The following CSMD3 variants were observed in gnomAD, a reference collection of about 807,000 sequenced individuals.
The protein encoded by CSMD3 is CUB and Sushi multiple domains 3.
In CSMD3, 177 loss-of-function variants were observed where a neutral mutation model predicts 435.2. The ratio of observed to expected loss-of-function variants is 0.41; its 90% CI spans 0.36 to 0.46. The LOEUF is 0.46. Ranked by LOEUF, CSMD3 falls within the 20% of genes least tolerant of loss-of-function variation. The pLI, the probability that CSMD3 is intolerant of heterozygous loss-of-function variation, is 0.34. For synonymous variants in CSMD3, 1,656 were observed against 1,520.5 expected, an observed-to-expected ratio of 1.09 and a Z score of -2.07; for missense variants, 4,265 against 4,504.6, an observed-to-expected ratio of 0.95 and a Z score of 1.52.
At chr8:113,312,074 T>C (rs1185666850) in intron 2 of CSMD3, 1 of 152,118 alleles carries the variant, frequency 6.6e-6, no homozygotes, top group East Asian at 1.9e-4. Context: ...AAATAGATTT[T>C]TATTTATATA....
At chr8:113,240,485 G>A (rs2093202131) in intron 3 of CSMD3, among the ~76,000 whole-genome samples, 1 of 152,060 alleles carries the variant, frequency 6.6e-6, no homozygotes, top group Non-Finnish European at 1.5e-5. Context: ...AAGTATGTAA[G>A]TATTCCTTTT....
intron 35 of CSMD3, among the ~76,000 whole-genome samples, chr8:112,403,686 T>A (rs749257240): frequency 3.3e-4 from 50 of 151,716 alleles, no homozygotes; most frequent in Middle Eastern, 6.8e-3. Context: ...CGAGACCTAG[T>A]CACCTTCCAA....
At chr8:113,156,163 ATTACT>A (rs2091924544) in intron 4 of CSMD3, among the ~76,000 whole-genome samples, 1 of 152,122 alleles carries the variant, frequency 6.6e-6, no homozygotes, top group Non-Finnish European at 1.5e-5. Flanking sequence ...GGAAAGGCAC[ATTACT>A]TTATTAACCT....
At chr8:113,229,429 T>C (rs1379018847) in intron 3 of CSMD3, among the ~76,000 whole-genome samples, 1 of 151,324 alleles carries the variant, frequency 6.6e-6, no homozygotes, top group Non-Finnish European at 1.5e-5. Context: ...CATTAATGAG[T>C]AGAGTCCAAT....
At chr8:112,496,929 C>A (rs558992307) in intron 30 of CSMD3, among the ~76,000 whole-genome samples, 2 of 152,160 alleles carry the variant, frequency 1.3e-5, no homozygotes, top group African/African-American at 4.8e-5. Context: ...TTTAATTGTA[C>A]ATTTAAAAAT....
At chr8:112,709,023 G>A (rs1372343862) in intron 13 of CSMD3, among the ~76,000 whole-genome samples, 1 of 152,034 alleles carries the variant, frequency 6.6e-6, no homozygotes, top group Admixed American at 6.6e-5. Flanking sequence ...AAAGACAAGT[G>A]ATGGTGGCTG....
chr8:113,253,266 A>C (rs1355708313), intron 3 of CSMD3, among the ~76,000 whole-genome samples: 3 of 151,842 alleles, frequency 2.0e-5, no homozygotes, highest in Non-Finnish European at 4.4e-5. Context: ...TCTAGGATAC[A>C]TGTGCACAAT....
intron 13 of CSMD3, among the ~76,000 whole-genome samples, chr8:112,691,658 C>A (rs1403802095): frequency 6.6e-6 from 1 of 151,944 alleles, no homozygotes; most frequent in Non-Finnish European, 1.5e-5. Context: ...TATAAATATG[C>A]CATAATTATT....
intron 3 of CSMD3, among the ~76,000 whole-genome samples, chr8:113,264,603 C>T (rs1206983234): frequency 1.3e-5 from 2 of 151,340 alleles, no homozygotes; most frequent in Non-Finnish European, 3.0e-5. Flanking sequence ...GCTACATAAG[C>T]AATTCTGTAT....
In CSMD3 at chr8:112,335,395, T is replaced by C. The variant is rs751765708; in HGVS notation, c.7099A>G (p.Asn2367Asp). ...TALESVYSTS[N>D]QILIKFHSDF... ...CTGTGGAATTTGATTAGAATCTGATTTGAAGTACTGTAGACTGATTCCAAA... is the reference window on the plus strand; with the variant it reads ...CTGTGGAATTTGATTAGAATCTGATCTGAAGTACTGTAGACTGATTCCAAA... Residue 2367 changes from asparagine (N) to aspartate (D), a missense_variant, in exon 45 of 71, where the codon AAT becomes GAT. By Grantham distance (23) the Asn-to-Asp change is conservative. Coordinates refer to ENST00000297405, the MANE Select transcript of CSMD3 (RefSeq NM_198123.2). 2 of 1,613,868 alleles carry C rather than the reference T, an allele frequency of 1.2e-6. No homozygotes were observed. Among genetic ancestry groups the C allele is most frequent in the Non-Finnish European group, 1.7e-6 (2 of 1,179,914 alleles).
intron 13 of CSMD3, among the ~76,000 whole-genome samples, chr8:112,796,672 T>C (rs557808045): frequency 1.3e-5 from 2 of 150,460 alleles, no homozygotes; most frequent in African/African-American, 2.4e-5. Flanking sequence ...AATGACCCTA[T>C]AAAAACAACA....
At chr8:113,126,176 T>C (rs2091121144) in intron 4 of CSMD3, among the ~76,000 whole-genome samples, 1 of 151,886 alleles carries the variant, frequency 6.6e-6, no homozygotes, top group South Asian at 2.1e-4. Context: ...CTATGAAATC[T>C]AGTGATGTTA....
chr8:112,627,984 C>G (rs551598569), intron 22 of CSMD3, among the ~76,000 whole-genome samples: 1 of 152,116 alleles, frequency 6.6e-6, no homozygotes, highest in African/African-American at 2.4e-5. Flanking sequence ...AAAATAAATT[C>G]AGATATTTAT....
At chr8:112,646,552 T>C (rs974385939) in intron 19 of CSMD3, among the ~76,000 whole-genome samples, 9 of 152,284 alleles carry the variant, frequency 5.9e-5, no homozygotes, top group Middle Eastern at 3.4e-3. Flanking sequence ...TATATACATA[T>C]GTAGAAGGGG....
intron 16 of CSMD3, among the ~76,000 whole-genome samples, chr8:112,669,471 G>C (rs960270752): frequency 9.9e-5 from 15 of 152,056 alleles, no homozygotes; most frequent in African/African-American, 3.4e-4. Context: ...AGTTAATTAT[G>C]TACCTACTGA....
intron 3 of CSMD3, among the ~76,000 whole-genome samples, chr8:113,226,363 C>T (rs888568288): frequency 1.9e-4 from 29 of 151,552 alleles, no homozygotes; most frequent in Admixed American, 3.3e-4. Context: ...ATGGCTACAA[C>T]ATGGTTTATA....
intron 35 of CSMD3, among the ~76,000 whole-genome samples, chr8:112,402,098 T>C (rs965016171): frequency 1.3e-5 from 2 of 152,218 alleles, no homozygotes; most frequent in Non-Finnish European, 2.9e-5. Flanking sequence ...TTCCAAGAAC[T>C]AAGCCAAGGC....
intron 10 of CSMD3, among the ~76,000 whole-genome samples, chr8:112,890,365 A>T (rs1165527452): frequency 2.6e-5 from 4 of 151,852 alleles, no homozygotes; most frequent in Admixed American, 2.0e-4. Context: ...GAGGACAGCC[A>T]TTTTAGAAAC....
At chr8:112,567,804 G>A (rs1829179986) in intron 24 of CSMD3, among the ~76,000 whole-genome samples, 1 of 152,078 alleles carries the variant, frequency 6.6e-6, no homozygotes, top group Non-Finnish European at 1.5e-5. Context: ...TTTCTGATCT[G>A]TTTCCCAACT....
Sources: allele counts gnomAD v4.1 joint callset (sites outside exome capture counted in the v4.1 genomes callset), GRCh38; gene constraint gnomAD v4.1.1; transcripts MANE v1.5; gene names NCBI Gene and HGNC (gene_info 2026-07-23, HGNC 2026-07-21).